The following HEG1 variants were observed in gnomAD, a reference collection of about 807,000 sequenced individuals.
The protein encoded by HEG1 is protein HEG homolog 1.
A neutral mutation model predicts 125.6 loss-of-function variants in HEG1; 56 were observed. The observed-to-expected ratio is 0.45, with a 90% confidence interval of 0.36 to 0.56. HEG1 has a LOEUF of 0.56. Among genes scored for constraint, HEG1 ranks in the 20% least tolerant of loss-of-function variants. HEG1 has a pLI of 0.00. For missense variants in HEG1, 1,523 were observed against 1,670.0 expected, an observed-to-expected ratio of 0.91 and a Z score of 1.53; for synonymous variants, 644 against 668.5, an observed-to-expected ratio of 0.96 and a Z score of 0.57.
intron 6 of HEG1, among the ~76,000 whole-genome samples, chr3:125,012,304 C>T (rs992814969): frequency 2.6e-5 from 4 of 152,190 alleles, no homozygotes; most frequent in Admixed American, 6.5e-5. Flanking sequence ...GAGGAGTTAA[C>T]GGCATGCTTG....
intron 1 of HEG1, among the ~76,000 whole-genome samples, chr3:125,053,253 A>C (rs185338193): frequency 1.1e-3 from 171 of 152,328 alleles, no homozygotes; most frequent in Middle Eastern, 0.01. Flanking sequence ...TTGTGAAATG[A>C]GTGATAGCAT....
At chr3:125,042,542 G>A (rs1397217638) in intron 1 of HEG1, among the ~76,000 whole-genome samples, 1 of 152,246 alleles carries the variant, frequency 6.6e-6, no homozygotes, top group Admixed American at 6.5e-5. Context: ...GGAGTTCCAG[G>A]AGAGCTGGAC....
chr3:125,031,729 C>G (rs1186380563), intron 1 of HEG1, among the ~76,000 whole-genome samples: 1 of 151,362 alleles, frequency 6.6e-6, no homozygotes, highest in African/African-American at 2.4e-5. Context: ...CATACACACA[C>G]AGGCACACAT....
intron 1 of HEG1, among the ~76,000 whole-genome samples, chr3:125,035,788 T>A (rs1198873535): frequency 6.6e-6 from 1 of 152,156 alleles, no homozygotes; most frequent in East Asian, 1.9e-4. Context: ...ATTTCTCATT[T>A]GTGAAATTAA....
In HEG1 at chr3:125,019,322, ACT is replaced by A; in HGVS notation, c.1526_1527del (p.Glu509ValfsTer25). On this transcript the variant is annotated frameshift_variant, in exon 5 of 17. Transcript: ENST00000311127. LOFTEE classifies it high-confidence loss of function. ...CTTTCCGAGGAAGATGTAGATGAAG[ACT>A]CTGAATAACTCCTATCTCCCAATGC... ...HTALGDRSYS[E>X]SSSTSSSESL... 2 of 1,613,712 alleles carry A rather than the reference ACT, an allele frequency of 1.2e-6. No homozygotes were observed. The highest frequency in any genetic ancestry group is 1.7e-6 in the Non-Finnish European group (2 of 1,179,708).
chr3:125,053,924 T>C (rs2107716545), intron 1 of HEG1, among the ~76,000 whole-genome samples: 1 of 152,328 alleles, frequency 6.6e-6, no homozygotes, highest in Non-Finnish European at 1.5e-5. Context: ...CTCATGTGCC[T>C]GCCCCATCCA....
Position 124,980,003 on chromosome 3 carries a change from A to G in HEG1, c.3734-2057T>C, listed in dbSNP as rs550072882. 5.2e-5 allele frequency among the ~76,000 whole-genome samples: 8 copies of G among 152,390 alleles called. No individual in the cohort carries two copies. The East Asian group carries it at 1.5e-3, about 29-fold the overall frequency. On this transcript the variant is annotated intron_variant, in intron 14 of 16. Transcript: ENST00000311127. The stretch of plus-strand genomic sequence containing the variant: ...ATACAAAAGCCATCAGTATTAAGAT[A>G]CACAGGAAACAAAGCCAAGCCACAG...
chr3:125,034,525 T>C (rs983370277), intron 1 of HEG1, among the ~76,000 whole-genome samples: 2 of 152,200 alleles, frequency 1.3e-5, no homozygotes, highest in Admixed American at 6.5e-5. Context: ...TCACTAGGCA[T>C]GGTGGCTCAT....
At chr3:125,004,639 G>A (rs775673674) in intron 9 of HEG1, among the ~76,000 whole-genome samples, 6 of 151,906 alleles carry the variant, frequency 3.9e-5, no homozygotes, top group South Asian at 4.2e-4. Context: ...ACACGTGCAC[G>A]CCACCAACCC....
At chr3:125,008,836 CTG>C (rs1323385648) in intron 8 of HEG1, among the ~76,000 whole-genome samples, 3 of 152,084 alleles carry the variant, frequency 2.0e-5, no homozygotes, top group African/African-American at 7.2e-5. Flanking sequence ...ACAAAAAACT[CTG>C]TATCTTTCAT....
At chr3:124,987,844 C>T (rs930907750) in intron 14 of HEG1, among the ~76,000 whole-genome samples, 2 of 150,490 alleles carry the variant, frequency 1.3e-5, no homozygotes, top group African/African-American at 2.4e-5. Flanking sequence ...CTAACAATAT[C>T]TTAGGATCAG....
intron 1 of HEG1, among the ~76,000 whole-genome samples, chr3:125,048,576 T>C (rs191435783): frequency 8.7e-4 from 132 of 152,278 alleles, no homozygotes; most frequent in African/African-American, 2.6e-3. Flanking sequence ...CTGGTGTAAG[T>C]GGAGAGCAGA....
chr3:124,973,287 G>A (rs564043503), intron 16 of HEG1, among the ~76,000 whole-genome samples: 2 of 152,130 alleles, frequency 1.3e-5, no homozygotes, highest in South Asian at 4.2e-4. Context: ...TGCCCACCTC[G>A]GCCTCCCAAA....
intron 2 of HEG1, among the ~76,000 whole-genome samples, 152 bp downstream of exon 2, chr3:125,029,043 T>C (rs988987400): frequency 1.3e-5 from 2 of 152,254 alleles, no homozygotes; most frequent in Admixed American, 6.5e-5. Context: ...GCATAATACA[T>C]ATGAGGCCTA....
intron 1 of HEG1, among the ~76,000 whole-genome samples, chr3:125,039,208 A>G (rs1937572530): frequency 6.6e-6 from 1 of 151,408 alleles, no homozygotes; most frequent in Non-Finnish European, 1.5e-5. Flanking sequence ...GACAACTTCC[A>G]CTTCTGTAGC....
intron 12 of HEG1, among the ~76,000 whole-genome samples, chr3:124,996,734 G>C (rs1237660342): frequency 1.3e-5 from 2 of 152,204 alleles, no homozygotes; most frequent in African/African-American, 4.8e-5. Context: ...GAGAAAAGTG[G>C]CATGTCGCCT....
In HEG1 at chr3:125,021,111, C is replaced by T. The variant is rs1457081649; in HGVS notation, c.933G>A (p.Lys311=). The T allele has an allele frequency of 2.5e-6, 4 of 1,568,694 alleles. No homozygotes were observed. The African/African-American group carries it at 5.4e-5, about 21-fold the overall frequency. Residue 311 remains lysine (K), a synonymous_variant, in exon 4 of 17, where the codon AAG becomes AAA. Transcript: ENST00000311127. The stretch of plus-strand genomic sequence containing the variant: ...TCTGGAGGCCAGTGGAGTTGTTAAG[C>T]TTCTCTGTACTTTCAGAAGCTACAA... ...DLSSSSESTE[K]LNNSTGLQSS...
At chr3:125,052,702 T>C (rs1937839930) in intron 1 of HEG1, among the ~76,000 whole-genome samples, 1 of 152,220 alleles carries the variant, frequency 6.6e-6, no homozygotes, top group Non-Finnish European at 1.5e-5. Context: ...CTCAGCATCT[T>C]GTCACCACTG....
chr3:125,046,825 C>T (rs1326883894), intron 1 of HEG1, among the ~76,000 whole-genome samples: 1 of 152,204 alleles, frequency 6.6e-6, no homozygotes, highest in Non-Finnish European at 1.5e-5. Context: ...CTCCTTCAAA[C>T]ACTTGTGAAG....
Sources: gnomAD v4.1 joint callset for allele counts (sites outside exome capture counted in the v4.1 genomes callset) on GRCh38, gnomAD v4.1.1 for gene constraint, MANE v1.5 for transcripts, NCBI Gene and HGNC (gene_info 2026-07-23, HGNC 2026-07-21) for gene names.